The following SPTBN1 variants were observed in gnomAD, a reference collection of about 807,000 sequenced individuals.
SPTBN1 encodes the protein spectrin beta, non-erythrocytic 1.
A neutral mutation model predicts 266.4 loss-of-function variants in SPTBN1; 32 were observed. The observed-to-expected ratio is 0.12, with a 90% CI of 0.09 to 0.16. The LOEUF is 0.16. Among genes scored for constraint, SPTBN1 ranks in the 10% least tolerant of loss-of-function variants. The pLI is 1.00. For missense variants in SPTBN1, 2,296 were observed against 3,067.1 expected (o/e 0.75, Z 5.94); for synonymous variants, 1,336 against 1,162.2 (o/e 1.15, Z -3.04).
Position 54,664,787 on chromosome 2 carries a change from T to C in SPTBN1, c.6659+96T>C. On this transcript the variant is annotated intron_variant, in intron 33 of 35. Coordinates refer to ENST00000356805, the MANE Select transcript of SPTBN1 (RefSeq NM_003128.3). The surrounding 1 kb of genome is among the most constrained non-coding windows in gnomAD (Gnocchi z 5.6). ...GAATTGGAAGAGAAGTATGTGCTCA[T>C]GTAGTTTTATTCCTTTGGTAGCTTC... 1.6e-6 allele frequency: 2 copies of C among 1,259,692 alleles called. No individual in the cohort carries two copies. Among genetic ancestry groups the C allele is most frequent in the Non-Finnish European group, 2.2e-6 (2 of 903,596 alleles). 78.0% of individuals were successfully genotyped at this position (1,259,692 alleles called of 1,614,324 possible).
chr2:54,637,250 G>GT (rs922743345), intron 17 of SPTBN1, among the ~76,000 whole-genome samples: 7 of 151,934 alleles, frequency 4.6e-5, no homozygotes, highest in African/African-American at 1.7e-4. Context: ...TTTTTGGTGA[G>GT]TTTTTTTCAA....
chr2:54,656,160 A>G (rs1197793090), intron 29 of SPTBN1, among the ~76,000 whole-genome samples, 162 bp downstream of exon 29: 1 of 152,180 alleles, frequency 6.6e-6, no homozygotes. Context: ...TACTACTTTT[A>G]AGAAGCTTCC....
At chr2:54,543,613 A>T (rs1484469585) in intron 2 of SPTBN1, among the ~76,000 whole-genome samples, 1 of 152,158 alleles carries the variant, frequency 6.6e-6, no homozygotes, top group Non-Finnish European at 1.5e-5. Context: ...AATTAAAAAA[A>T]TTAATATGGT....
intron 7 of SPTBN1, among the ~76,000 whole-genome samples, chr2:54,619,869 G>A (rs1353887428): frequency 6.6e-6 from 1 of 152,170 alleles, no homozygotes; most frequent in East Asian, 1.9e-4. Context: ...CCAGCAGTGT[G>A]TCCTGATGTT....
At chr2:54,632,532 G>C in intron 16 of SPTBN1, 34 bp from the exon 17 acceptor site, 1 of 1,604,288 alleles carries the variant, frequency 6.2e-7, no homozygotes, top group Non-Finnish European at 8.5e-7. Flanking sequence ...ATCCTTCATT[G>C]ATCTGCTATG....
In SPTBN1 at chr2:54,649,907, T is replaced by G. The variant is rs1409970473; in HGVS notation, c.5495T>G (p.Leu1832Arg). The G allele has an allele frequency of 2.5e-6, 4 of 1,614,124 alleles. No homozygotes were observed. The South Asian group carries it at 3.3e-5, about 13-fold the overall frequency. ...QDKHKKLPEE[L>R]GRDQNTVETL... The stretch of plus-strand genomic sequence containing the variant: ...AAACACAAGAAACTCCCTGAGGAGC[T>G]TGGGAGAGATCAGAACACAGTGGAG... The change falls in exon 26 of 36, where the codon CTT (leucine) becomes CGT (arginine). Residue 1832 changes from leucine (L) to arginine (R), a missense_variant. Transcript: ENST00000356805. The surrounding 1 kb of genome is among the most constrained non-coding windows in gnomAD (Gnocchi z 6.7).
chr2:54,611,466 C>T (rs1246828673), intron 3 of SPTBN1, among the ~76,000 whole-genome samples: 1 of 142,740 alleles, frequency 7.0e-6, no homozygotes, highest in Non-Finnish European at 1.5e-5. Flanking sequence ...GCATTATCTA[C>T]TCTCTCTCTA....
intron 2 of SPTBN1, among the ~76,000 whole-genome samples, chr2:54,549,306 A>C (rs1672430245): frequency 6.6e-6 from 1 of 152,130 alleles, no homozygotes; most frequent in Non-Finnish European, 1.5e-5. Context: ...AAAAAAAAAA[A>C]AAAGACTTGT....
rs202001000 is a variant in SPTBN1 at position 54,664,540 on chromosome 2, C to T, written c.6508C>T (p.Pro2170Ser). The change falls in exon 33 of 36, where the codon CCG becomes TCG. Residue 2170 changes from proline (P) to serine (S), a missense_variant. Physicochemically the swap from Pro to Ser is moderately conservative, Grantham distance 74. Around this residue, in one of 12 missense-constraint regions of SPTBN1, gnomAD observed 347 missense variants for 368.5 expected, o/e 0.94. Transcript: ENST00000356805. This position sits in a 1 kb window ranked among gnomAD's most constrained non-coding sequence, Gnocchi z 5.6. ...SSKESSPIPS[P>S]TSDRKAKTAL... is the part of the protein sequence containing the mutation. ...TAAAGAGTCCAGCCCCATCCCCTCC[C>T]CGACCTCTGATCGTAAAGCCAAGAC... 7 of 1,614,062 alleles carry T rather than the reference C, an allele frequency of 4.3e-6. No homozygotes were observed. The highest frequency in any genetic ancestry group is 5.9e-6 in the Non-Finnish European group (7 of 1,180,040).
At chr2:54,656,740 A>C (rs1199229202) in intron 29 of SPTBN1, among the ~76,000 whole-genome samples, 1 of 152,092 alleles carries the variant, frequency 6.6e-6, no homozygotes. Context: ...TTGACGGCAC[A>C]CTCTGTTGGG....
intron 32 of SPTBN1, chr2:54,661,997 C>T (rs1216401604): frequency 1.0e-6 from 1 of 985,440 alleles, no homozygotes; most frequent in South Asian, 4.7e-5. Context: ...CGCAGAGACT[C>T]AGTGAACTTG....
chr2:54,582,635 C>A (rs150896348), intron 2 of SPTBN1, among the ~76,000 whole-genome samples: 3 of 151,690 alleles, frequency 2.0e-5, no homozygotes, highest in African/African-American at 7.3e-5. Context: ...ACGTAAAACT[C>A]CCATTTCGGA....
chr2:54,660,781 C>G (rs772215174), intron 32 of SPTBN1: 27 of 985,328 alleles, frequency 2.7e-5, no homozygotes, highest in Non-Finnish European at 3.3e-5. Flanking sequence ...CAGCCAGCCT[C>G]AGGAGTAAAG....
At position 54,491,155 on chromosome 2, in the gene SPTBN1, A is replaced by T. The variant is rs142780522; in HGVS notation, c.-48+34637A>T. 3.9e-5 allele frequency among the ~76,000 whole-genome samples: 6 copies of T among 152,360 alleles called. No individual in the cohort carries two copies. The East Asian group carries it at 1.2e-3, about 29-fold the overall frequency. ...ACTCTAAGGGACCTTACTAAGGTCAAGGTTAGACTTTGTAAATTTTGGGGT... is the reference window on the plus strand; with the variant it reads ...ACTCTAAGGGACCTTACTAAGGTCATGGTTAGACTTTGTAAATTTTGGGGT... On this transcript the variant is annotated intron_variant, in intron 1 of 35. Transcript: ENST00000356805.
At chr2:54,473,857 A>G (rs77315059) in intron 1 of SPTBN1, among the ~76,000 whole-genome samples, 6,072 of 152,338 alleles carry the variant, frequency 0.04, 179 homozygotes, top group Non-Finnish European at 0.057. Flanking sequence ...CCTCGTCTGT[A>G]TGCCTTGTAC....
intron 1 of SPTBN1, among the ~76,000 whole-genome samples, chr2:54,496,887 TACTGTGCTCA>T (rs1668997458): frequency 6.6e-6 from 1 of 152,242 alleles, no homozygotes; most frequent in Non-Finnish European, 1.5e-5. Context: ...ATAATGATAT[TACTGTGCTCA>T]TGGAAGTATT....
At chr2:54,486,389 T>G (rs1668392482) in intron 1 of SPTBN1, among the ~76,000 whole-genome samples, 1 of 152,186 alleles carries the variant, frequency 6.6e-6, no homozygotes, top group Non-Finnish European at 1.5e-5. Flanking sequence ...AAAATTCTTC[T>G]GCCTTGGGAT....
intron 26 of SPTBN1, chr2:54,652,881 C>CT (rs749329854): frequency 2.4e-5 from 1 of 41,162 alleles, no homozygotes; most frequent in Non-Finnish European, 6.5e-5. Flanking sequence ...TTTTTCTTTT[C>CT]TTTCTTTCTT....
At chr2:54,657,233 T>C (rs1171398486) in intron 29 of SPTBN1, among the ~76,000 whole-genome samples, 2 of 152,220 alleles carry the variant, frequency 1.3e-5, no homozygotes, top group East Asian at 3.8e-4. Context: ...ATCTGTAGTG[T>C]TCCCATATCC....
Sources: gnomAD v4.1 joint callset for allele counts (sites outside exome capture counted in the v4.1 genomes callset) on GRCh38, gnomAD v4.1.1 for gene constraint, gnomAD v4.1.1 regional missense constraint, Gnocchi (gnomAD v3.1) non-coding constraint, MANE v1.5 for transcripts, NCBI Gene and HGNC (gene_info 2026-07-23, HGNC 2026-07-21) for gene names.